CENPW: variants seen among roughly 807,000 people sequenced by gnomAD.
The protein encoded by CENPW is centromere protein W.
Under a neutral mutation model 11.1 loss-of-function variants are expected in CENPW, and 3 were observed. That is an observed-to-expected ratio of 0.27 (90% CI 0.12 to 0.70). The LOEUF is 0.70. CENPW is among the 30% of genes least tolerant of loss of function. The pLI, the probability that CENPW is intolerant of heterozygous loss-of-function variation, is 0.77. For missense variants in CENPW, 100 were observed against 105.6 expected (o/e 0.95, Z 0.23); for synonymous variants, 38 against 42.0 (o/e 0.91, Z 0.37).
chr6:126,472,261 T>A, the CENPW span, among the ~76,000 whole-genome samples: 1 of 152,284 alleles, frequency 6.6e-6, no homozygotes, highest in African/African-American at 2.4e-5. Context: ...AATCAAGAAA[T>A]GTAAATATTC....
At chr6:126,356,892 G>A in the CENPW span, among the ~76,000 whole-genome samples, 2 of 152,078 alleles carry the variant, frequency 1.3e-5, no homozygotes, top group African/African-American at 4.8e-5. Flanking sequence ...TCTGTAGGTT[G>A]TCTGTTTACT....
chr6:126,468,543 A>G, the CENPW span, among the ~76,000 whole-genome samples: 1 of 151,738 alleles, frequency 6.6e-6, no homozygotes, highest in Non-Finnish European at 1.5e-5. Flanking sequence ...TGAATAAATT[A>G]TGGGTTTTAA....
At chr6:126,397,563 A>AT in the CENPW span, among the ~76,000 whole-genome samples, 23 of 151,988 alleles carry the variant, frequency 1.5e-4, no homozygotes, top group East Asian at 7.7e-4. Flanking sequence ...TATGAAGGTG[A>AT]TTTTTTTTGT....
the CENPW span, among the ~76,000 whole-genome samples, chr6:126,472,398 T>G: frequency 2.0e-5 from 3 of 152,344 alleles, no homozygotes; most frequent in South Asian, 6.2e-4. Context: ...TTTATATGAA[T>G]GGAATCATAT....
the CENPW span, among the ~76,000 whole-genome samples, chr6:126,373,748 C>T: frequency 6.6e-6 from 1 of 152,176 alleles, no homozygotes; most frequent in Non-Finnish European, 1.5e-5. Flanking sequence ...TGGTTGAGGC[C>T]TCCAAGAGTT....
chr6:126,360,693 C>G, the CENPW span, among the ~76,000 whole-genome samples: 1 of 151,004 alleles, frequency 6.6e-6, no homozygotes, highest in Non-Finnish European at 1.5e-5. Context: ...TTTTTTTTCC[C>G]CCCAACTTGG....
the CENPW span, among the ~76,000 whole-genome samples, chr6:126,464,989 A>G: frequency 3.9e-5 from 6 of 152,138 alleles, no homozygotes; most frequent in African/African-American, 1.4e-4. Flanking sequence ...TTTAGGTAAT[A>G]TTGTACTGGA....
the CENPW span, among the ~76,000 whole-genome samples, chr6:126,388,429 T>C: frequency 1.3e-5 from 2 of 151,956 alleles, no homozygotes; most frequent in Non-Finnish European, 2.9e-5. Flanking sequence ...GTCTCTTCCC[T>C]CCAGCACCTT....
At chr6:126,451,052 T>C in the CENPW span, among the ~76,000 whole-genome samples, 4 of 151,064 alleles carry the variant, frequency 2.6e-5, no homozygotes, top group Non-Finnish European at 5.9e-5. Context: ...GCAAAATTTC[T>C]AATTAACATA....
chr6:126,429,833 C>T, the CENPW span, among the ~76,000 whole-genome samples: 1 of 152,144 alleles, frequency 6.6e-6, no homozygotes, highest in Non-Finnish European at 1.5e-5. Context: ...ACTTAGAGTA[C>T]ATTGAGAACA....
chr6:126,345,626 C>T (rs980947721), intron 1 of CENPW, among the ~76,000 whole-genome samples: 6 of 151,856 alleles, frequency 4.0e-5, no homozygotes, highest in Admixed American at 2.0e-4. Flanking sequence ...AAAAGAGGCT[C>T]GAAGATTATT....
the CENPW span, among the ~76,000 whole-genome samples, chr6:126,458,330 C>A: frequency 6.6e-6 from 1 of 151,158 alleles, no homozygotes; most frequent in East Asian, 2.0e-4. Flanking sequence ...CTATATGTCC[C>A]CAGTCAAACT....
chr6:126,416,691 C>G, the CENPW span, among the ~76,000 whole-genome samples: 1 of 152,160 alleles, frequency 6.6e-6, no homozygotes, highest in Non-Finnish European at 1.5e-5. Context: ...GTGCAAGCCT[C>G]AAGCCTTGGC....
chr6:126,430,681 G>A, the CENPW span, among the ~76,000 whole-genome samples: 1 of 152,044 alleles, frequency 6.6e-6, no homozygotes, highest in African/African-American at 2.4e-5. Context: ...GGCTGGGTGC[G>A]GTGGCCACGC....
downstream of CENPW, among the ~76,000 whole-genome samples, chr6:126,351,704 G>A (rs1403480248): frequency 6.6e-6 from 1 of 151,838 alleles, no homozygotes; most frequent in East Asian, 1.9e-4. Context: ...GGAAAATCAG[G>A]GTGACTTCAG....
At chr6:126,482,474 G>A in the CENPW span, among the ~76,000 whole-genome samples, 1 of 151,850 alleles carries the variant, frequency 6.6e-6, no homozygotes, top group Admixed American at 6.6e-5. Flanking sequence ...TCCTATGAAA[G>A]TCTTGTTTTA....
chr6:126,397,724 A>T, the CENPW span, among the ~76,000 whole-genome samples: 1 of 152,160 alleles, frequency 6.6e-6, no homozygotes, highest in Admixed American at 6.5e-5. Context: ...AAAACCCTTT[A>T]AAGTTCCCCA....
the CENPW span, among the ~76,000 whole-genome samples, chr6:126,410,710 G>C: frequency 6.6e-6 from 1 of 151,736 alleles, no homozygotes; most frequent in Non-Finnish European, 1.5e-5. Flanking sequence ...TTCCCTGTGA[G>C]TAATTTTAAA....
downstream of CENPW, among the ~76,000 whole-genome samples, chr6:126,349,980 C>CT (rs988316478): frequency 1.3e-5 from 2 of 151,940 alleles, no homozygotes; most frequent in African/African-American, 4.8e-5. Flanking sequence ...CCTGAGTAGC[C>CT]TCCTTCTTGC....
Sources: gnomAD v4.1 joint callset for allele counts (sites outside exome capture counted in the v4.1 genomes callset) on GRCh38, gnomAD v4.1.1 for gene constraint, MANE v1.5 for transcripts, NCBI Gene and HGNC (gene_info 2026-07-23, HGNC 2026-07-21) for gene names.